L3MBTL4: variants seen among roughly 807,000 people sequenced by gnomAD.
L3MBTL4 encodes lethal(3)malignant brain tumor-like protein 4.
A neutral mutation model predicts 84.5 loss-of-function variants in L3MBTL4; 70 were observed. That is an observed-to-expected ratio of 0.83 (90% CI 0.68 to 1.01). L3MBTL4 has a LOEUF of 1.01. Ranked by LOEUF, L3MBTL4 falls within the 50% of genes least tolerant of loss-of-function variation. The pLI, the probability that L3MBTL4 is intolerant of heterozygous loss-of-function variation, is 0.00. For synonymous variants in L3MBTL4, 274 were observed against 259.8 expected (o/e 1.05, Z -0.52); for missense variants, 715 against 754.8 (o/e 0.95, Z 0.62).
At chr18:6,408,751 G>T (rs866389673) in intron 1 of L3MBTL4, among the ~76,000 whole-genome samples, 6 of 150,094 alleles carry the variant, frequency 4.0e-5, no homozygotes, top group Non-Finnish European at 7.4e-5. Context: ...GTGCAATCTC[G>T]GCTCACTGCA....
chr18:6,382,236 C>A (rs1457885820), intron 1 of L3MBTL4, among the ~76,000 whole-genome samples: 1 of 152,024 alleles, frequency 6.6e-6, no homozygotes, highest in African/African-American at 2.4e-5. Flanking sequence ...TTTGTCTAAC[C>A]TTTTTTCAAG....
chr18:6,052,742 T>C (rs2056880904), intron 16 of L3MBTL4, among the ~76,000 whole-genome samples: 1 of 152,238 alleles, frequency 6.6e-6, no homozygotes, highest in Admixed American at 6.5e-5. Context: ...ACTTTGCCAA[T>C]AGTGGAGAAT....
At chr18:6,362,414 T>G (rs778075659) in intron 1 of L3MBTL4, among the ~76,000 whole-genome samples, 1 of 152,200 alleles carries the variant, frequency 6.6e-6, no homozygotes, top group Non-Finnish European at 1.5e-5. Context: ...TTTATACTTT[T>G]GTCTGCTCAG....
At chr18:6,037,045 G>T (rs1473416301) in intron 16 of L3MBTL4, among the ~76,000 whole-genome samples, 2 of 152,188 alleles carry the variant, frequency 1.3e-5, no homozygotes, top group Non-Finnish European at 2.9e-5. Flanking sequence ...TCAGTTGGTG[G>T]GGCTTGCAAC....
intron 13 of L3MBTL4, among the ~76,000 whole-genome samples, chr18:6,140,563 C>CGTG (rs2060166208): frequency 6.6e-6 from 1 of 152,100 alleles, no homozygotes; most frequent in African/African-American, 2.4e-5. Context: ...GCCTCCTCAC[C>CGTG]GCCTGCCCAG....
In L3MBTL4 at chr18:6,230,307, C is replaced by A. The variant is rs554027867; in HGVS notation, c.784+7657G>T. On this transcript the variant is annotated intron_variant, in intron 10 of 18. Transcript: ENST00000317931. ...TCCATGTATACTCAATGTTTAGCTC[C>A]CACTTGCAAGTGAGAACATGGGATA... is the stretch of plus-strand genomic sequence containing the variant. Among the ~76,000 whole-genome samples the A allele has an allele frequency of 4.6e-5, 7 of 152,204 alleles. No individual in the cohort carries two copies. In the East Asian group the frequency reaches 1.4e-3, roughly 29 times the overall value.
intron 1 of L3MBTL4, among the ~76,000 whole-genome samples, chr18:6,330,984 A>G (rs1157814182): frequency 6.6e-6 from 1 of 152,254 alleles, no homozygotes; most frequent in Non-Finnish European, 1.5e-5. Context: ...CAAGAGGTCA[A>G]CTGAGCAGAT....
chr18:6,329,258 A>G (rs2051896161), intron 1 of L3MBTL4, among the ~76,000 whole-genome samples: 1 of 144,022 alleles, frequency 6.9e-6, no homozygotes, highest in South Asian at 2.2e-4. Flanking sequence ...GGTTCACGCC[A>G]TTCTCCTGCC....
intron 16 of L3MBTL4, 83 bp downstream of exon 16, chr18:6,080,798 G>A: frequency 9.6e-7 from 1 of 1,041,294 alleles, no homozygotes; most frequent in Non-Finnish European, 1.4e-6. Flanking sequence ...CTGTTGGAAT[G>A]ATAAAACCAA....
At chr18:6,102,378 C>T (rs1357300626) in intron 14 of L3MBTL4, among the ~76,000 whole-genome samples, 2 of 152,212 alleles carry the variant, frequency 1.3e-5, no homozygotes, top group Non-Finnish European at 2.9e-5. Context: ...TAATCAGTGT[C>T]TCCAAACTCA....
intron 15 of L3MBTL4, 63 bp downstream of exon 15, chr18:6,093,285 TTAACAAA>T (rs2058518487): frequency 9.2e-6 from 11 of 1,192,400 alleles, no homozygotes; most frequent in Non-Finnish European, 1.1e-6. Context: ...ACTATTACTA[TTAACAAA>T]ATTGTTCTTT....
At chr18:6,392,099 T>G (rs1162048096) in intron 1 of L3MBTL4, among the ~76,000 whole-genome samples, 1 of 152,128 alleles carries the variant, frequency 6.6e-6, no homozygotes, top group Admixed American at 6.5e-5. Context: ...AGACTTCAAA[T>G]TATACTATAA....
intron 1 of L3MBTL4, chr18:6,397,483 A>G (rs1195346852): frequency 6.6e-6 from 1 of 152,192 alleles, no homozygotes; most frequent in Non-Finnish European, 1.5e-5. Flanking sequence ...GAAGAGCCCA[A>G]ATTGAAAAAT....
intron 12 of L3MBTL4, among the ~76,000 whole-genome samples, chr18:6,180,223 A>G (rs2044406469): frequency 6.6e-6 from 1 of 152,128 alleles, no homozygotes; most frequent in Non-Finnish European, 1.5e-5. Flanking sequence ...AGGAGAGAGC[A>G]TGAAGGAAAG....
intron 11 of L3MBTL4, among the ~76,000 whole-genome samples, chr18:6,214,987 A>C (rs2046263876): frequency 6.6e-6 from 1 of 152,164 alleles, no homozygotes; most frequent in South Asian, 2.1e-4. Context: ...ATTTCCCCCC[A>C]AATACTGTTA....
chr18:5,956,455 A>T (rs2095227477), intron 18 of L3MBTL4, 68 bp from the exon 19 acceptor site: 1 of 1,492,938 alleles, frequency 6.7e-7, no homozygotes. Context: ...CACCAGTAAC[A>T]CTTTGGTTCT....
At chr18:6,237,614 C>A (rs1404429582) in intron 10 of L3MBTL4, among the ~76,000 whole-genome samples, 1 of 151,756 alleles carries the variant, frequency 6.6e-6, no homozygotes, top group African/African-American at 2.4e-5. Context: ...CACCACCACA[C>A]CCAGCTAATT....
chr18:6,124,293 A>C (rs2059617533), intron 14 of L3MBTL4, among the ~76,000 whole-genome samples: 1 of 152,112 alleles, frequency 6.6e-6, no homozygotes, highest in South Asian at 2.1e-4. Context: ...ACTTGAAAAA[A>C]TACTCAGAGG....
chr18:6,356,917 A>G (rs554992885), intron 1 of L3MBTL4: 2 of 152,366 alleles, frequency 1.3e-5, no homozygotes, highest in East Asian at 1.9e-4. Flanking sequence ...TTACACCAGC[A>G]TCACCACAAA....
Sources: allele counts gnomAD v4.1 joint callset (sites outside exome capture counted in the v4.1 genomes callset), GRCh38; gene constraint gnomAD v4.1.1; transcripts MANE v1.5; gene names NCBI Gene and HGNC (gene_info 2026-07-23, HGNC 2026-07-21).